The following MACROD2 variants were observed in gnomAD, a reference collection of about 807,000 sequenced individuals.
MACROD2 encodes the protein ADP-ribose glycohydrolase MACROD2.
MACROD2 carries 36 observed loss-of-function variants against 70.4 expected under a neutral mutation model. That is an observed-to-expected ratio of 0.51 (90% CI 0.39 to 0.68). MACROD2 has a LOEUF of 0.68. Among genes scored for constraint, MACROD2 ranks in the 30% least tolerant of loss-of-function variants. The pLI is 0.00. For synonymous variants in MACROD2, 172 were observed against 178.8 expected (o/e 0.96, Z 0.30); for missense variants, 496 against 538.4 (o/e 0.92, Z 0.78).
intron 3 of MACROD2, among the ~76,000 whole-genome samples, chr20:14,250,121 C>T (rs2081998853): frequency 6.6e-6 from 1 of 151,298 alleles, no homozygotes; most frequent in Non-Finnish European, 1.5e-5. Context: ...AAGCGCTCAC[C>T]TTTTTCCAGC....
In MACROD2 at chr20:14,726,432, C is replaced by T. The variant is rs926998978; in HGVS notation, c.418+41473C>T. ...ACTCCTGGGATCAGAACGAATGAAGCGATTAGTGTCACAGGCGAAACTGAA... is the reference window on the plus strand; with the variant it reads ...ACTCCTGGGATCAGAACGAATGAAGTGATTAGTGTCACAGGCGAAACTGAA... On this transcript the variant is annotated intron_variant, in intron 5 of 17. Transcript: ENST00000684519. Among the ~76,000 whole-genome samples the T allele has an allele frequency of 3.3e-5, 5 of 152,084 alleles. No individual in the cohort carries two copies. The South Asian group carries it at 6.2e-4, about 19-fold the overall frequency.
At position 16,051,881 on chromosome 20, in the gene MACROD2, A is replaced by G. The variant is rs1258733221; in HGVS notation, c.*2005A>G. On this transcript the variant is annotated 3_prime_UTR_variant, in exon 18 of 18. Coordinates refer to ENST00000684519, the MANE Select transcript of MACROD2 (RefSeq NM_001351661.2). ...GGAAACAGAGGGACAGAGATTTTCT[A>G]ATGAACAATGATGGAAGAGACCTAA... 2.6e-5 allele frequency: 4 copies of G among 152,202 alleles called. No individual in the cohort carries two copies. The highest frequency in any genetic ancestry group is 5.9e-5 in the Non-Finnish European group (4 of 68,036). 9.4% of individuals were successfully genotyped at this position (152,202 alleles called of 1,614,324 possible). A position where few individuals can be genotyped will look rare whatever the true frequency, so the allele number is the denominator to read the frequency against.
intron 3 of MACROD2, among the ~76,000 whole-genome samples, chr20:14,168,646 AAT>A (rs1300932000): frequency 1.3e-5 from 2 of 152,176 alleles, no homozygotes; most frequent in East Asian, 3.8e-4. Flanking sequence ...CCAAATACAT[AAT>A]GTTATGTATC....
At chr20:15,583,471 T>C (rs1373149274) in intron 8 of MACROD2, among the ~76,000 whole-genome samples, 1 of 152,096 alleles carries the variant, frequency 6.6e-6, no homozygotes, top group South Asian at 2.1e-4. Context: ...AGTGGCTCCG[T>C]TTGGAGCAGG....
chr20:15,849,582 C>T (rs1192543722), intron 8 of MACROD2, among the ~76,000 whole-genome samples: 1 of 152,150 alleles, frequency 6.6e-6, no homozygotes, highest in Admixed American at 6.5e-5. Flanking sequence ...TTTTGAAAGT[C>T]AAGATGTGTT....
At chr20:15,149,613 T>C (rs1450359093) in intron 5 of MACROD2, among the ~76,000 whole-genome samples, 2 of 151,852 alleles carry the variant, frequency 1.3e-5, no homozygotes, top group African/African-American at 4.9e-5. Flanking sequence ...AAAATAGATT[T>C]TGGAAGTTAT....
intron 8 of MACROD2, among the ~76,000 whole-genome samples, chr20:15,738,550 G>C (rs1007678395): frequency 3.3e-5 from 5 of 152,122 alleles, no homozygotes. Context: ...AGAGAAGAGT[G>C]AAGGTAATAT....
chr20:15,161,271 A>G (rs1359022542), intron 5 of MACROD2, among the ~76,000 whole-genome samples: 1 of 151,850 alleles, frequency 6.6e-6, no homozygotes, highest in East Asian at 1.9e-4. Context: ...TCTTTTGGGA[A>G]TGGTACAAAC....
At chr20:14,275,996 T>A (rs2122380390) in intron 3 of MACROD2, among the ~76,000 whole-genome samples, 1 of 152,150 alleles carries the variant, frequency 6.6e-6, no homozygotes, top group South Asian at 2.1e-4. Flanking sequence ...GGAGAGGATG[T>A]GGAGAAATAG....
In MACROD2 at chr20:13,995,977, G is replaced by T. The variant is rs892901383; in HGVS notation, c.46+168G>T. On this transcript the variant is annotated intron_variant, in intron 1 of 17. Transcript: ENST00000684519. This position sits in a 1 kb window ranked among gnomAD's most constrained non-coding sequence, Gnocchi z 4.3. ...TGTGTACACACGCGCACACTCGCGC[G>T]CACTCCGGCGTGCACGCGCCGCCCC... Among the ~76,000 whole-genome samples the T allele has an allele frequency of 2.0e-5, 3 of 152,108 alleles. No individual in the cohort carries two copies. The South Asian group carries it at 6.2e-4, about 31-fold the overall frequency.
chr20:15,092,722 A>G (rs984029305), intron 5 of MACROD2, among the ~76,000 whole-genome samples: 1 of 152,154 alleles, frequency 6.6e-6, no homozygotes, highest in Non-Finnish European at 1.5e-5. Context: ...TAAATATTAT[A>G]ACCCTACAAC....
chr20:14,684,538 C>T (rs2070975257), intron 4 of MACROD2, among the ~76,000 whole-genome samples: 1 of 152,072 alleles, frequency 6.6e-6, no homozygotes, highest in African/African-American at 2.4e-5. Flanking sequence ...AATTATACCA[C>T]TGAAATGGAA....
At position 14,410,248 on chromosome 20, in the gene MACROD2, A is replaced by C. The variant is rs192916846; in HGVS notation, c.272-83231A>C. Among the ~76,000 whole-genome samples the C allele has an allele frequency of 3.1e-5, 4 of 130,478 alleles. No individual in the cohort carries two copies. In the East Asian group the frequency reaches 8.8e-4, roughly 29 times the overall value. 85.6% of individuals were successfully genotyped at this position (130,478 alleles called of 152,430 possible). A position where few individuals can be genotyped will look rare whatever the true frequency, so the allele number is the denominator to read the frequency against. On this transcript the variant is annotated intron_variant, in intron 3 of 17. Coordinates refer to ENST00000684519, the MANE Select transcript of MACROD2 (RefSeq NM_001351661.2). ...TTTTTTTTTTTTTGACTTTTATTTT[A>C]GATTCAGGGAGTACACGTGTAAGTC...
chr20:15,439,544 C>G (rs1471324743), intron 7 of MACROD2, among the ~76,000 whole-genome samples: 1 of 152,160 alleles, frequency 6.6e-6, no homozygotes, highest in Non-Finnish European at 1.5e-5. Flanking sequence ...AGCTTTCTCT[C>G]CCTCTGCAGC....
At chr20:14,989,772 G>A (rs986199328) in intron 5 of MACROD2, among the ~76,000 whole-genome samples, 2 of 152,096 alleles carry the variant, frequency 1.3e-5, no homozygotes, top group Admixed American at 6.5e-5. Flanking sequence ...GGTCCGGTCC[G>A]TTTTAGGTCG....
intron 13 of MACROD2, among the ~76,000 whole-genome samples, chr20:15,977,047 A>G (rs1259687667): frequency 6.6e-6 from 1 of 152,148 alleles, no homozygotes; most frequent in Non-Finnish European, 1.5e-5. Flanking sequence ...TATCAAGTGG[A>G]GCACTGGGAC....
chr20:15,068,226 T>C (rs1179258183), intron 5 of MACROD2, among the ~76,000 whole-genome samples: 3 of 152,212 alleles, frequency 2.0e-5, no homozygotes, highest in Admixed American at 6.5e-5. Context: ...ATAATTGTTA[T>C]TGTATTATTA....
chr20:15,266,455 A>G (rs1224332667), intron 6 of MACROD2, among the ~76,000 whole-genome samples: 1 of 152,228 alleles, frequency 6.6e-6, no homozygotes, highest in Non-Finnish European at 1.5e-5. Context: ...AAATCACTCT[A>G]AAGTGTAGCC....
intron 4 of MACROD2, among the ~76,000 whole-genome samples, chr20:14,516,737 A>G (rs1393787884): frequency 6.6e-6 from 1 of 152,066 alleles, no homozygotes; most frequent in African/African-American, 2.4e-5. Flanking sequence ...AGATAACATG[A>G]TGGCTCCAGC....
Sources: gnomAD v4.1 joint callset for allele counts (sites outside exome capture counted in the v4.1 genomes callset) on GRCh38, gnomAD v4.1.1 for gene constraint, Gnocchi (gnomAD v3.1) non-coding constraint, MANE v1.5 for transcripts, NCBI Gene and HGNC (gene_info 2026-07-23, HGNC 2026-07-21) for gene names.